Variants in FAM133B observed in about 807,000 individuals in gnomAD.
The protein encoded by FAM133B is protein FAM133B.
A neutral mutation model predicts 46.4 loss-of-function variants in FAM133B; 25 were observed. That is an observed-to-expected ratio of 0.54 (90% CI 0.39 to 0.75). The LOEUF is 0.75. Ranked by LOEUF, FAM133B falls within the 30% of genes least tolerant of loss-of-function variation. The pLI, the probability that FAM133B is intolerant of heterozygous loss-of-function variation, is 0.00. For synonymous variants in FAM133B, 75 were observed against 86.0 expected, an observed-to-expected ratio of 0.87 and a Z score of 0.71; for missense variants, 205 against 277.6, an observed-to-expected ratio of 0.74 and a Z score of 1.86.
intron 8 of FAM133B, among the ~76,000 whole-genome samples, chr7:92,573,880 A>T (rs1407629067): frequency 6.6e-6 from 1 of 150,970 alleles, no homozygotes; most frequent in East Asian, 1.9e-4. Flanking sequence ...ATTAAATTTT[A>T]TTTTTTTTTA....
Position 92,562,268 on chromosome 7 carries a change from G to T in FAM133B, c.*14C>A. 1 of 1,522,402 alleles carries T rather than the reference G, an allele frequency of 6.6e-7. No homozygotes were observed. 94.3% of individuals were successfully genotyped at this position (1,522,402 alleles called of 1,614,324 possible). A position where few individuals can be genotyped will look rare whatever the true frequency, so the allele number is the denominator to read the frequency against. On this transcript the variant is annotated 3_prime_UTR_variant, in exon 11 of 11. Transcript: ENST00000445716. ...TGCACTTTCTTTATAAGGGAATCCTGATTTTTCTTAATGTTATGGTGAGTC... is the reference window on the plus strand; with the variant it reads ...TGCACTTTCTTTATAAGGGAATCCTTATTTTTCTTAATGTTATGGTGAGTC...
intron 7 of FAM133B, among the ~76,000 whole-genome samples, chr7:92,576,864 A>C (rs1385283207): frequency 6.6e-6 from 1 of 152,222 alleles, no homozygotes; most frequent in Non-Finnish European, 1.5e-5. Flanking sequence ...TCTTTATGAA[A>C]ACAGGGACAA....
At chr7:92,569,477 T>G (rs1794464853) in intron 9 of FAM133B, 1 of 157,688 alleles carries the variant, frequency 6.3e-6, no homozygotes, top group Non-Finnish European at 1.4e-5. Flanking sequence ...TATGCAATGT[T>G]CTATTTTAAC....
intron 1 of FAM133B, among the ~76,000 whole-genome samples, chr7:92,588,771 T>C (rs1233765854): frequency 2.0e-5 from 3 of 152,132 alleles, no homozygotes; most frequent in Non-Finnish European, 1.5e-5. Context: ...ATAGAGATGA[T>C]TTCTCAACAG....
chr7:92,577,131 G>T lies in FAM133B; in HGVS notation c.437C>A (p.Ser146Tyr). 6.7e-7 allele frequency: 1 copy of T among 1,497,620 alleles called. No homozygotes were observed. The highest frequency in any genetic ancestry group is 8.9e-7 in the Non-Finnish European group (1 of 1,120,480). 92.8% of individuals were successfully genotyped at this position (1,497,620 alleles called of 1,614,324 possible). A position where few individuals can be genotyped will look rare whatever the true frequency, so the allele number is the denominator to read the frequency against. Reference sequence around the variant, plus strand: ...ACTGTCTGATTCAGTTTCTGACATGGAGCTTTCAGAAGATTTATGTGAACG... The same window carrying T: ...ACTGTCTGATTCAGTTTCTGACATGTAGCTTTCAGAAGATTTATGTGAACG... ...KNRSHKSSESSMSETESDSKD... is the reference protein window; with the variant it reads ...KNRSHKSSESYMSETESDSKD... Residue 146 changes from serine (S) to tyrosine (Y), a missense_variant, in exon 7 of 11, where the codon TCC becomes TAC. Ser to Tyr is a moderately radical substitution (Grantham distance 144). Coordinates refer to ENST00000445716, the MANE Select transcript of FAM133B (RefSeq NM_152789.4).
chr7:92,578,220 T>G, intron 4 of FAM133B, 38 bp from the exon 5 acceptor site: 2 of 1,609,480 alleles, frequency 1.2e-6, no homozygotes, highest in Non-Finnish European at 1.7e-6. Context: ...AATAAGCTGA[T>G]GTGAGTTTGC....
rs149266668 is a variant in FAM133B, at chr7:92,581,940, A to C, written c.25-337T>G. 6.2e-3 allele frequency: 1,084 copies of C among 176,090 alleles called. 12 individuals carry two copies. Among genetic ancestry groups the C allele is most frequent in the Non-Finnish European group, 8.7e-3 (729 of 83,498 alleles). 10.9% of individuals were successfully genotyped at this position (176,090 alleles called of 1,614,324 possible). A position where few individuals can be genotyped will look rare whatever the true frequency, so the allele number is the denominator to read the frequency against. ...CTGTGAGGGTGATAACAGTATGTTC[A>C]CTAGAAAATTAAGAAACTCAATTCC... On this transcript the variant is annotated intron_variant, in intron 1 of 10. Coordinates refer to ENST00000445716, the MANE Select transcript of FAM133B (RefSeq NM_152789.4).
intron 8 of FAM133B, among the ~76,000 whole-genome samples, chr7:92,573,801 A>T (rs1180235233): frequency 6.6e-6 from 1 of 152,024 alleles, no homozygotes; most frequent in Non-Finnish European, 1.5e-5. Flanking sequence ...TAATATGGCA[A>T]ATTATATTAA....
rs370934715 is a variant in FAM133B at position 92,578,300 on chromosome 7, A to T, written c.276+19T>A. 3.7e-6 allele frequency: 6 copies of T among 1,611,402 alleles called. No individual in the cohort carries two copies. Among genetic ancestry groups the T allele is most frequent in the African/African-American group, 1.3e-5 (1 of 74,904 alleles). On this transcript the variant is annotated intron_variant, in intron 4 of 10. Coordinates refer to ENST00000445716, the MANE Select transcript of FAM133B (RefSeq NM_152789.4). ...CAACTATGAGATTAAGAATAGCAAT[A>T]AACTAAAAGTGGTATTACCTGTCTT...
At chr7:92,585,416 G>C in intron 1 of FAM133B, 1 of 954,620 alleles carries the variant, frequency 1.0e-6, no homozygotes, top group Non-Finnish European at 1.2e-6. Context: ...AAATATTTCA[G>C]GTTAGAATTG....
intron 1 of FAM133B, among the ~76,000 whole-genome samples, chr7:92,589,389 C>G (rs1159751632): frequency 6.6e-6 from 1 of 152,230 alleles, no homozygotes; most frequent in African/African-American, 2.4e-5. Context: ...TAACAACTAT[C>G]AAGGACCATT....
chr7:92,587,154 T>TA (rs1047298899), intron 1 of FAM133B, among the ~76,000 whole-genome samples: 1 of 152,124 alleles, frequency 6.6e-6, no homozygotes, highest in African/African-American at 2.4e-5. Flanking sequence ...AAATAAAAAT[T>TA]AAAAAAACTG....
chr7:92,573,820 T>C (rs149490372), intron 8 of FAM133B, among the ~76,000 whole-genome samples: 1 of 152,166 alleles, frequency 6.6e-6, no homozygotes, highest in African/African-American at 2.4e-5. Context: ...AAATTATCCT[T>C]GAATTCTTGG....
At position 92,578,357 on chromosome 7, in the gene FAM133B, A is replaced by G. The variant is rs751843120; in HGVS notation, c.238T>C (p.Leu80=). The G allele has an allele frequency of 3.1e-6, 5 of 1,613,528 alleles. No homozygotes were observed. The highest frequency in any genetic ancestry group is 1.7e-5 in the Admixed American group (1 of 59,968). ...GATGAGCTCTCACTTCCACTTAACA[A>G]TTTCTCCCTGTGTTTTTCCAGTTCT... ...KKELEKHREK[L]LSGSESSSKK... is the part of the protein sequence containing the mutation. The change falls in exon 4 of 11, where the codon TTG becomes CTG. Residue 80 remains leucine (L), a synonymous_variant. Coordinates refer to ENST00000445716, the MANE Select transcript of FAM133B (RefSeq NM_152789.4).
At chr7:92,577,786 A>G in intron 5 of FAM133B, 69 bp from the exon 6 acceptor site, 1 of 1,278,586 alleles carries the variant, frequency 7.8e-7, no homozygotes, top group Non-Finnish European at 1.1e-6. Flanking sequence ...AAGTCTCTCA[A>G]ATACTTAGTG....
At chr7:92,575,891 A>C (rs1208038045) in intron 7 of FAM133B, 70 bp from the exon 8 acceptor site, 5 of 646,334 alleles carry the variant, frequency 7.7e-6, no homozygotes, top group Non-Finnish European at 1.3e-5. Context: ...GGACAAAAAC[A>C]CCCAAAAAGT....
intron 10 of FAM133B, among the ~76,000 whole-genome samples, chr7:92,562,579 T>G (rs563687077): frequency 1.3e-5 from 2 of 152,316 alleles, no homozygotes; most frequent in African/African-American, 2.4e-5. Flanking sequence ...GAGAAACTCT[T>G]AAGTCATTAG....
rs551334605 is a variant in FAM133B at position 92,578,959 on chromosome 7, G to C, written c.201+358C>G. On this transcript the variant is annotated intron_variant, in intron 3 of 10. Coordinates refer to ENST00000445716, the MANE Select transcript of FAM133B (RefSeq NM_152789.4). ...AGCTGCTCAGGAGGCTGAAGTAGGAGGACTGCTCAACCCTAACTTGGAATC... is the reference window on the plus strand; with the variant it reads ...AGCTGCTCAGGAGGCTGAAGTAGGACGACTGCTCAACCCTAACTTGGAATC... 4.5e-4 allele frequency among the ~76,000 whole-genome samples: 68 copies of C among 152,080 alleles called. 1 individual carries two copies. The South Asian group carries it at 6.2e-3, about 14-fold the overall frequency.
chr7:92,576,737 T>A (rs768126742), intron 7 of FAM133B, among the ~76,000 whole-genome samples: 4 of 152,210 alleles, frequency 2.6e-5, no homozygotes, highest in Non-Finnish European at 4.4e-5. Context: ...AGAACAAATT[T>A]AGGTACGGTA....
Sources: allele counts gnomAD v4.1 joint callset (sites outside exome capture counted in the v4.1 genomes callset), GRCh38; gene constraint gnomAD v4.1.1; transcripts MANE v1.5; gene names NCBI Gene and HGNC (gene_info 2026-07-23, HGNC 2026-07-21).